PIP4K2A: variants seen among roughly 807,000 people sequenced by gnomAD.
PIP4K2A encodes the protein phosphatidylinositol 5-phosphate 4-kinase type-2 alpha.
PIP4K2A carries 14 observed loss-of-function variants against 42.9 expected under a neutral mutation model. The observed-to-expected ratio is 0.33, with a 90% CI of 0.22 to 0.51. PIP4K2A has a LOEUF of 0.51. PIP4K2A is among the 20% of genes least tolerant of loss of function. The pLI is 0.97. For synonymous variants in PIP4K2A, 192 were observed against 192.2 expected (o/e 1.00, Z 0.01); for missense variants, 434 against 519.8 (o/e 0.83, Z 1.61).
chr10:22,566,300 C>G (rs1456202738), intron 6 of PIP4K2A, among the ~76,000 whole-genome samples: 1 of 152,088 alleles, frequency 6.6e-6, no homozygotes, highest in East Asian at 1.9e-4. Flanking sequence ...CCGGCTGATG[C>G]TTAGGAAAAA....
intron 1 of PIP4K2A, among the ~76,000 whole-genome samples, chr10:22,667,344 GC>G (rs1839369234): frequency 6.6e-6 from 1 of 151,752 alleles, no homozygotes; most frequent in Non-Finnish European, 1.5e-5. Context: ...TTCAAACAGA[GC>G]ACGTTAAGTC....
intron 1 of PIP4K2A, among the ~76,000 whole-genome samples, chr10:22,636,234 GATTT>G (rs1564450688): frequency 1.3e-5 from 2 of 152,106 alleles, no homozygotes; most frequent in African/African-American, 2.4e-5. Flanking sequence ...CACCACAACT[GATTT>G]ATTTTTCAAA....
At chr10:22,541,115 A>G (rs555476876) in intron 8 of PIP4K2A, among the ~76,000 whole-genome samples, 28 of 152,348 alleles carry the variant, frequency 1.8e-4, no homozygotes, top group African/African-American at 6.7e-4. Flanking sequence ...GGTAGGATGT[A>G]ATATTCAAAT....
intron 4 of PIP4K2A, among the ~76,000 whole-genome samples, chr10:22,584,855 A>G (rs1043152997): frequency 1.3e-5 from 2 of 152,188 alleles, no homozygotes; most frequent in Admixed American, 1.3e-4. Context: ...ATTTTAATTG[A>G]TCACTCCTCC....
chr10:22,596,205 CAA>C (rs10681238), intron 3 of PIP4K2A, among the ~76,000 whole-genome samples: 29 of 69,662 alleles, frequency 4.2e-4, no homozygotes, highest in African/African-American at 9.5e-4. Flanking sequence ...AACTCCGTCT[CAA>C]AAAAAAAAAA....
At chr10:22,541,254 AC>A (rs1403808898) in intron 8 of PIP4K2A, among the ~76,000 whole-genome samples, 1 of 152,140 alleles carries the variant, frequency 6.6e-6, no homozygotes, top group Non-Finnish European at 1.5e-5. Flanking sequence ...TTCCCACCCC[AC>A]CCACAGGGCC....
chr10:22,676,465 T>C (rs1325163031), intron 1 of PIP4K2A, among the ~76,000 whole-genome samples: 5 of 152,152 alleles, frequency 3.3e-5, no homozygotes, highest in African/African-American at 1.2e-4. Context: ...AAAATAGCAT[T>C]TAATGTAGAT....
At chr10:22,637,105 T>C (rs1778329) in intron 1 of PIP4K2A, among the ~76,000 whole-genome samples, 12,877 of 152,228 alleles carry the variant, frequency 0.085, 973 homozygotes, top group African/African-American at 0.2. Context: ...TGTATGTCTA[T>C]GTAGGGTAGC....
At chr10:22,569,181 G>A (rs1425689916) in intron 5 of PIP4K2A, 4 of 719,130 alleles carry the variant, frequency 5.6e-6, no homozygotes, top group Non-Finnish European at 9.6e-6. Flanking sequence ...CATTGGGGAA[G>A]GGAGCCAAGA....
chr10:22,601,195 T>TTA (rs1363635442), intron 3 of PIP4K2A, among the ~76,000 whole-genome samples: 4 of 119,412 alleles, frequency 3.3e-5, no homozygotes, highest in Non-Finnish European at 6.8e-5. Flanking sequence ...AGGCTCACGG[T>TTA]AAACACAGCG....
rs773311009 is a variant in PIP4K2A at position 22,537,222 on chromosome 10, A to G, written c.1200T>C (p.Phe400=). 45 of 1,606,066 alleles carry G rather than the reference A, an allele frequency of 2.8e-5. No homozygotes were observed. The highest frequency in any genetic ancestry group is 3.7e-5 in the Non-Finnish European group (43 of 1,175,496). The change falls in exon 10 of 10, where the codon TTT becomes TTC. Residue 400 remains phenylalanine, a synonymous_variant. Transcript: ENST00000376573. ...GAGGTTACGTCAAGATGTGGCCAAT[A>G]AAGTCCAAAAAGCGCTTTGAATACT... The part of the protein sequence containing the change: ...PEQYSKRFLD[F]IGHILT
chr10:22,551,673 T>G (rs1213350874), intron 6 of PIP4K2A, among the ~76,000 whole-genome samples: 1 of 152,262 alleles, frequency 6.6e-6, no homozygotes, highest in African/African-American at 2.4e-5. Context: ...ATAGCTTGTT[T>G]ATTTCAGCAG....
rs183762074 is a variant in PIP4K2A, at chr10:22,665,925, G to A, written c.144+48258C>T. Among the ~76,000 whole-genome samples the A allele has an allele frequency of 6.6e-5, 10 of 152,004 alleles. No individual in the cohort carries two copies. In the East Asian group the frequency reaches 1.7e-3, roughly 26 times the overall value. ...AGTTCTATGGGATAGATTATCAGAA[G>A]TGGGACTGTGAGATCAAAGGCCATA... On this transcript the variant is annotated intron_variant, in intron 1 of 9. Transcript: ENST00000376573.
chr10:22,554,493 T>C (rs1000591766), intron 6 of PIP4K2A, among the ~76,000 whole-genome samples: 7 of 152,212 alleles, frequency 4.6e-5, no homozygotes, highest in Non-Finnish European at 2.9e-5. Flanking sequence ...CTGGGTCTGG[T>C]TCTTTAATGA....
intron 7 of PIP4K2A, among the ~76,000 whole-genome samples, chr10:22,543,504 G>C (rs1448977150): frequency 6.6e-6 from 1 of 152,244 alleles, no homozygotes. Context: ...CCTGCGTTCA[G>C]CTTTCTGGGT....
chr10:22,560,273 T>C (rs527667756), intron 6 of PIP4K2A, among the ~76,000 whole-genome samples: 2 of 152,338 alleles, frequency 1.3e-5, no homozygotes, highest in African/African-American at 4.8e-5. Flanking sequence ...ACTTCTTAGC[T>C]GAGCGGCAAA....
At chr10:22,664,092 T>C (rs1246015025) in intron 1 of PIP4K2A, among the ~76,000 whole-genome samples, 137 of 62,730 alleles carry the variant, frequency 2.2e-3, no homozygotes, top group African/African-American at 6.4e-3. Context: ...TATATATACA[T>C]ATATATATAT....
intron 4 of PIP4K2A, 93 bp downstream of exon 4, chr10:22,591,536 C>A (rs1419279111): frequency 4.1e-6 from 4 of 984,000 alleles, no homozygotes; most frequent in Non-Finnish European, 6.1e-6. Context: ...TCTTCTTGTT[C>A]TCTAACTATA....
intron 9 of PIP4K2A, 59 bp downstream of exon 9, chr10:22,539,894 AGAGAGAGAGAGAGAGAGG>A (rs1196666163): frequency 1.1e-3 from 672 of 620,282 alleles, no homozygotes; most frequent in African/African-American, 5.2e-3. Context: ...CAGGAGAGAG[AGAGAGAGAGAGAGAGAGG>A]GAGAGAGAGA....
Sources: gnomAD v4.1 joint callset for allele counts (sites outside exome capture counted in the v4.1 genomes callset) on GRCh38, gnomAD v4.1.1 for gene constraint, MANE v1.5 for transcripts, NCBI Gene and HGNC (gene_info 2026-07-23, HGNC 2026-07-21) for gene names.